ATR: variants seen among roughly 807,000 people sequenced by gnomAD.
The protein encoded by ATR is ATR checkpoint kinase, also known as serine/threonine-protein kinase ATR.
A neutral mutation model predicts 305.3 loss-of-function variants in ATR; 142 were observed. The observed-to-expected ratio is 0.47, with a 90% CI of 0.41 to 0.53. The LOEUF is 0.53. Ranked by LOEUF, ATR falls within the 20% of genes least tolerant of loss-of-function variation. The pLI is 0.00. For missense variants in ATR, 2,135 were observed against 3,133.1 expected, an observed-to-expected ratio of 0.68 and a Z score of 7.60; for synonymous variants, 1,050 against 1,068.1, an observed-to-expected ratio of 0.98 and a Z score of 0.33.
chr3:142,566,839 G>T (rs555761746), intron 2 of ATR, among the ~76,000 whole-genome samples: 1 of 151,942 alleles, frequency 6.6e-6, no homozygotes, highest in South Asian at 2.1e-4. Context: ...TGCCTCCGGG[G>T]TACAAGTGAT....
intron 46 of ATR, chr3:142,451,752 AAAAAAC>A (rs763016456): frequency 1.1e-5 from 13 of 1,165,194 alleles, no homozygotes; most frequent in Non-Finnish European, 1.4e-5. Flanking sequence ...GCTAATTAAA[AAAAAAC>A]AAAAACTATT....
rs2108494560 is a variant in ATR at position 142,566,247 on chromosome 3, C to T, written c.166G>A (p.Val56Ile). ...GTTGGCTGAGAGTCAGTTTTCTTTA[C>T]AAGTTCTACAGCAACTAAAACAATA... ...TDVNVVAVELVKKTDSQPTSV... is the reference protein window; with the variant it reads ...TDVNVVAVELIKKTDSQPTSV... Residue 56 changes from valine to isoleucine, a missense_variant, in exon 3 of 47, where the codon GTA becomes ATA. Coordinates refer to ENST00000350721, the MANE Select transcript of ATR (RefSeq NM_001184.4). 3 of 1,613,736 alleles carry T rather than the reference C, an allele frequency of 1.9e-6. No homozygotes were observed. Among genetic ancestry groups the T allele is most frequent in the Non-Finnish European group, 2.5e-6 (3 of 1,179,656 alleles).
At chr3:142,512,994 G>T (rs116638497) in intron 26 of ATR, among the ~76,000 whole-genome samples, 2,728 of 152,114 alleles carry the variant, frequency 0.018, 29 homozygotes, top group South Asian at 0.041. Flanking sequence ...AAATATTCTA[G>T]ATTATTCAAT....
At chr3:142,512,174 C>T (rs2108370218) in intron 27 of ATR, 86 bp downstream of exon 27, 2 of 1,210,700 alleles carry the variant, frequency 1.7e-6, no homozygotes, top group South Asian at 1.3e-5. Flanking sequence ...TAAGCTAGTG[C>T]TTAAATTATA....
Position 142,519,781 on chromosome 3 carries a change from A to G in ATR, c.4270T>C (p.Leu1424=). The part of the protein sequence containing the change: ...QDSAAYAIQE[L]LSIYDCREME... ...TCTCTACAGTCATAAATAGAAAGCA[A>G]CTCCTACAAATACATATTTTACATT... Residue 1424 remains leucine (L), a synonymous_variant, in exon 24 of 47, where the codon TTG becomes CTG. Transcript: ENST00000350721. The G allele has an allele frequency of 1.3e-6, 2 of 1,595,934 alleles. No individual in the cohort carries two copies. Among genetic ancestry groups the G allele is most frequent in the Non-Finnish European group, 1.7e-6 (2 of 1,163,494 alleles).
At chr3:142,520,817 A>T (rs1266928225) in intron 23 of ATR, among the ~76,000 whole-genome samples, 4 of 152,208 alleles carry the variant, frequency 2.6e-5, no homozygotes, top group African/African-American at 9.6e-5. Flanking sequence ...AAGGTGAAGA[A>T]GCAACTATTG....
chr3:142,469,878 T>A (rs891479273), intron 37 of ATR, among the ~76,000 whole-genome samples: 3 of 152,318 alleles, frequency 2.0e-5, no homozygotes, highest in Admixed American at 1.3e-4. Flanking sequence ...TAATCAGATT[T>A]GTATTTGTGG....
At chr3:142,466,292 TA>T (rs1559910854) in intron 40 of ATR, 31 bp downstream of exon 40, 2 of 1,585,496 alleles carry the variant, frequency 1.3e-6, no homozygotes, top group African/African-American at 2.7e-5. Context: ...AACTAAATTT[TA>T]AAATCATAGT....
chr3:142,489,600 A>G (rs1291833701), intron 35 of ATR, among the ~76,000 whole-genome samples: 2 of 152,166 alleles, frequency 1.3e-5, no homozygotes, highest in African/African-American at 2.4e-5. Flanking sequence ...TTCATTCAGC[A>G]TATCTATGAC....
Position 142,522,673 on chromosome 3 carries a change from C to T in ATR, c.4266+55G>A, listed in dbSNP as rs141096740. 108 of 1,387,810 alleles carry T rather than the reference C, an allele frequency of 7.8e-5. No individual in the cohort carries two copies. In the East Asian group the frequency reaches 2.2e-3, roughly 28 times the overall value. 86.0% of individuals were successfully genotyped at this position (1,387,810 alleles called of 1,614,324 possible). A position where few individuals can be genotyped will look rare whatever the true frequency, so the allele number is the denominator to read the frequency against. ...AGTTTCACAAGTATAGAATTTACAACGTTCTTATTTGAATTAAACAATTTA... is the reference window on the plus strand; with the variant it reads ...AGTTTCACAAGTATAGAATTTACAATGTTCTTATTTGAATTAAACAATTTA... On this transcript the variant is annotated intron_variant, in intron 23 of 46. Coordinates refer to ENST00000350721, the MANE Select transcript of ATR (RefSeq NM_001184.4).
At position 142,565,403 on chromosome 3, in the gene ATR, C is replaced by G. The variant is rs148466286; in HGVS notation, c.292+718G>C. Among the ~76,000 whole-genome samples the G allele has an allele frequency of 3.4e-3, 513 of 152,104 alleles. 2 individuals are homozygous for G. Among genetic ancestry groups the G allele is most frequent in the African/African-American group, 0.011 (475 of 41,504 alleles). On this transcript the variant is annotated intron_variant, in intron 3 of 46. Transcript: ENST00000350721. ...TATTTTGCATCTCTTTATGAAGACA[C>G]CAATGAAGGGACAAAAGTAGTAGGT... is the stretch of plus-strand genomic sequence containing the variant.
intron 23 of ATR, among the ~76,000 whole-genome samples, chr3:142,522,492 C>T (rs574562870): frequency 6.6e-6 from 1 of 152,080 alleles, no homozygotes; most frequent in South Asian, 2.1e-4. Context: ...ATTTAAGTCA[C>T]AAAGCTGAGG....
At chr3:142,452,326 T>C in intron 46 of ATR, 1 of 987,328 alleles carries the variant, frequency 1.0e-6, no homozygotes, top group African/African-American at 1.7e-5. Context: ...ATTAAAGATG[T>C]AAGAGTGCCC....
rs562769122 is a variant in ATR, at chr3:142,556,664, G to A, written c.1886-89C>T. 488 of 1,197,016 alleles carry A rather than the reference G, an allele frequency of 4.1e-4. 1 individual carries two copies. The highest frequency in any genetic ancestry group is 7.4e-4 in the Admixed American group (33 of 44,690). 74.1% of individuals were successfully genotyped at this position (1,197,016 alleles called of 1,614,324 possible). A position where few individuals can be genotyped will look rare whatever the true frequency, so the allele number is the denominator to read the frequency against. ...CATATATATAAGTAAAGTAACATTT[G>A]TGTATACATATATATAAATAAAAGT... On this transcript the variant is annotated intron_variant, in intron 8 of 46. Transcript: ENST00000350721.
chr3:142,521,612 A>G (rs1000358546), intron 23 of ATR, among the ~76,000 whole-genome samples: 13 of 152,312 alleles, frequency 8.5e-5, no homozygotes, highest in African/African-American at 3.1e-4. Flanking sequence ...GGAGTTTGAA[A>G]GAAGTTGATT....
intron 27 of ATR, among the ~76,000 whole-genome samples, chr3:142,510,467 G>GA (rs1269403394): frequency 2.7e-5 from 4 of 148,756 alleles, no homozygotes; most frequent in Non-Finnish European, 4.5e-5. Context: ...CTCAAAAAAA[G>GA]AAAAAAAAAT....
chr3:142,559,588 G>C, intron 6 of ATR, 147 bp from the exon 7 acceptor site: 1 of 779,404 alleles, frequency 1.3e-6, no homozygotes, highest in Non-Finnish European at 2.1e-6. Context: ...CAAGTAATAT[G>C]TTATTACTAT....
At chr3:142,567,173 AG>A (rs1329587350) in intron 2 of ATR, among the ~76,000 whole-genome samples, 1 of 152,208 alleles carries the variant, frequency 6.6e-6, no homozygotes, top group African/African-American at 2.4e-5. Flanking sequence ...ATTAAAAAAA[AG>A]TTCTCACAAT....
At chr3:142,452,920 A>T in intron 46 of ATR, 1 of 1,407,216 alleles carries the variant, frequency 7.1e-7, no homozygotes, top group Non-Finnish European at 9.2e-7. Context: ...AACTTTTATT[A>T]TACAAATGCG....
Sources: gnomAD v4.1 joint callset for allele counts (sites outside exome capture counted in the v4.1 genomes callset) on GRCh38, gnomAD v4.1.1 for gene constraint, MANE v1.5 for transcripts, NCBI Gene and HGNC (gene_info 2026-07-23, HGNC 2026-07-21) for gene names.